Variants in VPS26B observed in about 807,000 individuals in gnomAD.
VPS26B encodes the protein VPS26 retromer complex component B, also known as vacuolar protein sorting-associated protein 26B.
In VPS26B, 10 loss-of-function variants were observed where a neutral mutation model predicts 33.3. That is an observed-to-expected ratio of 0.30 (90% confidence interval 0.19 to 0.51). The LOEUF (loss-of-function observed/expected upper bound fraction) is 0.51. VPS26B is among the 20% of genes least tolerant of loss of function. The pLI is 0.98. For synonymous variants in VPS26B, 190 were observed against 176.9 expected, an observed-to-expected ratio of 1.07 and a Z score of -0.59; for missense variants, 317 against 452.7, an observed-to-expected ratio of 0.70 and a Z score of 2.72.
Position 134,245,363 on chromosome 11 carries a change from C to G in VPS26B, c.865-81C>G. ...GGAGGTCCTTGCCCGAGATTCCCCA[C>G]GTCAAAGTTGGGAGCCTCTAGGAAA... On this transcript the variant is annotated intron_variant, in intron 5 of 5. Coordinates refer to ENST00000281187, the MANE Select transcript of VPS26B (RefSeq NM_052875.5). The surrounding 1 kb of genome is among the most constrained non-coding windows in gnomAD (Gnocchi z 4.7). 6.3e-7 allele frequency: 1 copy of G among 1,581,528 alleles called. No homozygotes were observed. The highest frequency in any genetic ancestry group is 8.6e-7 in the Non-Finnish European group (1 of 1,157,490).
At chr11:134,231,892 T>G (rs1938560847) in intron 1 of VPS26B, among the ~76,000 whole-genome samples, 1 of 152,166 alleles carries the variant, frequency 6.6e-6, no homozygotes, top group African/African-American at 2.4e-5. Flanking sequence ...TTTGCTGACT[T>G]AGGTTTCTTC....
At chr11:134,231,855 G>A (rs568752606) in intron 1 of VPS26B, among the ~76,000 whole-genome samples, 3 of 152,312 alleles carry the variant, frequency 2.0e-5, no homozygotes, top group East Asian at 1.9e-4. Context: ...GAACCACTAC[G>A]CCTGGCCTTT....
At chr11:134,233,697 C>T (rs1938590924) in intron 1 of VPS26B, among the ~76,000 whole-genome samples, 1 of 151,712 alleles carries the variant, frequency 6.6e-6, no homozygotes, top group Non-Finnish European at 1.5e-5. Context: ...TGCACTCCAG[C>T]CTGGGCGACA....
chr11:134,230,151 G>A (rs1938536628), intron 1 of VPS26B, among the ~76,000 whole-genome samples: 1 of 152,126 alleles, frequency 6.6e-6, no homozygotes, highest in Non-Finnish European at 1.5e-5. Flanking sequence ...TTTTCAAGCC[G>A]GGTATGACAA....
At chr11:134,229,371 C>T (rs570312581) in intron 1 of VPS26B, among the ~76,000 whole-genome samples, 105 of 152,256 alleles carry the variant, frequency 6.9e-4, no homozygotes, top group African/African-American at 2.3e-3. Context: ...TGTTCTGACC[C>T]GACCTCTCTT....
At position 134,243,242 on chromosome 11, in the gene VPS26B, T is replaced by C; in HGVS notation, c.669T>C (p.His223=). Residue 223 remains histidine, a synonymous_variant, in exon 4 of 6, where the codon CAT becomes CAC. Coordinates refer to ENST00000281187, the MANE Select transcript of VPS26B (RefSeq NM_052875.5). ...CGGGTACAGGCCCCAACGTGTACCATGAGAATGACACGATAGCCAAGTACG... is the reference window on the plus strand; with the variant it reads ...CGGGTACAGGCCCCAACGTGTACCACGAGAATGACACGATAGCCAAGTACG... ...ETTGTGPNVY[H]ENDTIAKYEI... 6.2e-7 allele frequency: 1 copy of C among 1,614,120 alleles called. No homozygotes were observed. Among genetic ancestry groups the C allele is most frequent in the Non-Finnish European group, 8.5e-7 (1 of 1,180,010 alleles).
chr11:134,243,304 C>T lies in VPS26B; in HGVS notation c.721+10C>T, dbSNP rs1938762138. ...GGGGCACCAGTGCGAGGTGAGACTC[C>T]AGGCCCAGGCCTCGGCTACCACAGC... On this transcript the variant is annotated intron_variant, in intron 4 of 5. Transcript: ENST00000281187. 6.2e-7 allele frequency: 1 copy of T among 1,613,306 alleles called. No homozygotes were observed. The highest frequency in any genetic ancestry group is 8.5e-7 in the Non-Finnish European group (1 of 1,179,480).
At chr11:134,232,743 G>T (rs1002311719) in intron 1 of VPS26B, among the ~76,000 whole-genome samples, 3 of 152,090 alleles carry the variant, frequency 2.0e-5, no homozygotes, top group African/African-American at 4.8e-5. Context: ...CTGGACCATT[G>T]ATTCTGGACA....
At chr11:134,236,690 T>A (rs968870208) in intron 2 of VPS26B, 3 of 152,242 alleles carry the variant, frequency 2.0e-5, no homozygotes, top group African/African-American at 7.2e-5. Flanking sequence ...GACATTGTGC[T>A]ACGTGAAAGA....
rs778405205 is a variant in VPS26B at position 134,246,506 on chromosome 11, G to A, written c.*916G>A. On this transcript the variant is annotated 3_prime_UTR_variant, in exon 6 of 6. Transcript: ENST00000281187. ...TCCGCCTTGCTGAGAGTGAACCCTC[G>A]TCTCTCCTCACCCTCCATTTCATTT... is the stretch of plus-strand genomic sequence containing the variant. The A allele has an allele frequency of 2.0e-5, 3 of 152,216 alleles. No individual in the cohort carries two copies. Among genetic ancestry groups the A allele is most frequent in the Non-Finnish European group, 2.9e-5 (2 of 68,044 alleles). The allele number at this position is 152,216 out of a possible 1,614,324, so 9.4% of individuals were successfully genotyped here. A position where few individuals can be genotyped will look rare whatever the true frequency, so the allele number is the denominator to read the frequency against.
rs5795875 is a variant in VPS26B at position 134,241,967 on chromosome 11, GA to G, written c.546-1151del. Among the ~76,000 whole-genome samples, 1,474 of 152,364 alleles carry G rather than the reference GA, an allele frequency of 9.7e-3. 13 individuals are homozygous for G. The highest frequency in any genetic ancestry group is 0.029 in the South Asian group (141 of 4,822). On this transcript the variant is annotated intron_variant, in intron 3 of 5. Coordinates refer to ENST00000281187, the MANE Select transcript of VPS26B (RefSeq NM_052875.5). ...GGTGGCAGCGGAGCTGAGATCCTTAGACCCTCTGGCCTTCCGCTTTTCTTCC... is the reference window on the plus strand; with the variant it reads ...GGTGGCAGCGGAGCTGAGATCCTTAGCCCTCTGGCCTTCCGCTTTTCTTCC...
At chr11:134,239,248 A>C (rs562061473) in intron 2 of VPS26B, among the ~76,000 whole-genome samples, 71 of 152,248 alleles carry the variant, frequency 4.7e-4, no homozygotes, top group Non-Finnish European at 9.1e-4. Flanking sequence ...GTGGCATATA[A>C]GGTTTGCTCT....
At chr11:134,230,291 T>G (rs1286974861) in intron 1 of VPS26B, among the ~76,000 whole-genome samples, 5 of 152,274 alleles carry the variant, frequency 3.3e-5, no homozygotes, top group African/African-American at 4.8e-5. Context: ...AAATATTTGT[T>G]GAATGGATAT....
At chr11:134,226,551 T>C (rs1938476529) in intron 1 of VPS26B, among the ~76,000 whole-genome samples, 1 of 152,244 alleles carries the variant, frequency 6.6e-6, no homozygotes, top group African/African-American at 2.4e-5. Context: ...AATGCTTGGG[T>C]ACTTTTAAAA....
intron 1 of VPS26B, among the ~76,000 whole-genome samples, chr11:134,234,318 TG>T (rs1258866038): frequency 6.6e-6 from 1 of 152,160 alleles, no homozygotes; most frequent in Non-Finnish European, 1.5e-5. Context: ...CACAGAGCCT[TG>T]TGAAGTAGGT....
intron 1 of VPS26B, among the ~76,000 whole-genome samples, chr11:134,227,773 G>T (rs1311080318): frequency 6.6e-6 from 1 of 152,210 alleles, no homozygotes; most frequent in Middle Eastern, 3.2e-3. Flanking sequence ...GGCATGCCAG[G>T]GGATCATGCA....
intron 1 of VPS26B, among the ~76,000 whole-genome samples, chr11:134,232,726 CTTGACTCTGG>C (rs1031416949): frequency 1.3e-5 from 2 of 152,234 alleles, no homozygotes; most frequent in African/African-American, 4.8e-5. Context: ...TCCTCTTCCT[CTTGACTCTGG>C]ACCATTGATT....
At chr11:134,232,875 G>A (rs985262717) in intron 1 of VPS26B, among the ~76,000 whole-genome samples, 1 of 152,084 alleles carries the variant, frequency 6.6e-6, no homozygotes, top group Non-Finnish European at 1.5e-5. Context: ...CAACACCATC[G>A]ACCAGGACTC....
At position 134,247,305 on chromosome 11, in the gene VPS26B, C is replaced by G. The variant is rs1323245261; in HGVS notation, c.*1715C>G. 1 of 152,278 alleles carries G rather than the reference C, an allele frequency of 6.6e-6. No homozygotes were observed. Among genetic ancestry groups the G allele is most frequent in the East Asian group, 1.9e-4 (1 of 5,180 alleles). 9.4% of individuals were successfully genotyped at this position (152,278 alleles called of 1,614,324 possible). ...AGGGAGGCAAGTTCTGGGTTCCTTG[C>G]CTTTTCAGAGCATGAGGTCAGGCTC... On this transcript the variant is annotated 3_prime_UTR_variant, in exon 6 of 6. Coordinates refer to ENST00000281187, the MANE Select transcript of VPS26B (RefSeq NM_052875.5).
Sources: gnomAD v4.1 joint callset for allele counts (sites outside exome capture counted in the v4.1 genomes callset) on GRCh38, gnomAD v4.1.1 for gene constraint, Gnocchi (gnomAD v3.1) non-coding constraint, MANE v1.5 for transcripts, NCBI Gene and HGNC (gene_info 2026-07-23, HGNC 2026-07-21) for gene names.